The following DMD variants were observed in gnomAD, a reference collection of about 807,000 sequenced individuals.
DMD encodes mutant dystrophin.
DMD carries 63 observed loss-of-function variants against 330.1 expected under a neutral mutation model. The ratio of observed to expected loss-of-function variants is 0.19; its 90% CI spans 0.16 to 0.24. The LOEUF (loss-of-function observed/expected upper bound fraction) is 0.24. DMD is among the 10% of genes least tolerant of loss of function. The pLI, the probability that DMD is intolerant of heterozygous loss-of-function variation, is 1.00. For synonymous variants in DMD, 1,223 were observed against 959.8 expected, an observed-to-expected ratio of 1.27 and a Z score of -5.07; for missense variants, 3,344 against 2,684.1, an observed-to-expected ratio of 1.25 and a Z score of -5.43.
At chrX:33,256,266 A>C (rs1371619768) in intron 1 of DMD, among the ~76,000 whole-genome samples, 1 of 111,130 alleles carries the variant, frequency 9.0e-6, no homozygotes, top group African/African-American at 3.2e-5. Flanking sequence ...ATTAGCAAAT[A>C]TATTAGGGAC....
At chrX:32,955,444 G>A (rs1296443239) in intron 2 of DMD, among the ~76,000 whole-genome samples, 1 of 109,939 alleles carries the variant, frequency 9.1e-6, no homozygotes, top group East Asian at 2.9e-4. Flanking sequence ...TTAGACCTTT[G>A]TCGGATGCAT....
intron 50 of DMD, among the ~76,000 whole-genome samples, chrX:31,802,253 T>G (rs898132110): frequency 9.0e-6 from 1 of 110,865 alleles, no homozygotes; most frequent in Non-Finnish European, 1.9e-5. Context: ...AAATTTATAT[T>G]TTGAATTTTC....
chrX:32,724,466 G>A (rs900602870), intron 7 of DMD, among the ~76,000 whole-genome samples: 2 of 111,431 alleles, frequency 1.8e-5, no homozygotes, highest in Admixed American at 9.6e-5. Flanking sequence ...TTTTGTCTAG[G>A]CCCTTACCAA....
chrX:32,779,000 C>G (rs189878702), intron 7 of DMD, among the ~76,000 whole-genome samples: 1 of 111,366 alleles, frequency 9.0e-6, no homozygotes, highest in African/African-American at 3.3e-5. Context: ...TATTGAGTAT[C>G]CAGATTTCAC....
chrX:32,800,596 T>C (rs1003234786), intron 7 of DMD, among the ~76,000 whole-genome samples: 1 of 111,442 alleles, frequency 9.0e-6, no homozygotes, highest in Admixed American at 9.6e-5. Flanking sequence ...TTGGGATACA[T>C]GTGCAGAACG....
chrX:32,357,023 G>T (rs376246154), intron 37 of DMD, among the ~76,000 whole-genome samples: 114 of 110,930 alleles, frequency 1.0e-3, no homozygotes, highest in African/African-American at 3.5e-3. Flanking sequence ...CAAGTAGCTG[G>T]GATTACAGGC....
intron 44 of DMD, among the ~76,000 whole-genome samples, chrX:32,027,126 G>A (rs1268316884): frequency 1.0e-5 from 1 of 100,365 alleles, no homozygotes; most frequent in Non-Finnish European, 2.0e-5. Flanking sequence ...TGAAAGAAAA[G>A]AAAGGTTGAG....
At position 32,472,264 on chromosome X, in the gene DMD, G is replaced by T; in HGVS notation, c.2849C>A (p.Ala950Asp). ...PPMRYQETMSAIRTWVQQSET... is the reference protein window; with the variant it reads ...PPMRYQETMSDIRTWVQQSET... Reference sequence around the variant, plus strand: ...TGACTGCTGGACCCATGTCCTGATGGCACTCATGGTCTCCTGATAGCGCAT... The same window carrying T: ...TGACTGCTGGACCCATGTCCTGATGTCACTCATGGTCTCCTGATAGCGCAT... The change falls in exon 22 of 79, where the codon GCC becomes GAC. Residue 950 changes from alanine (A) to aspartate (D), a missense_variant. Coordinates refer to ENST00000357033, the MANE Select transcript of DMD (RefSeq NM_004006.3). 8.3e-7 allele frequency: 1 copy of T among 1,210,688 alleles called. No individual in the cohort carries two copies. Among genetic ancestry groups the T allele is most frequent in the Non-Finnish European group, 1.1e-6 (1 of 894,811 alleles).
At chrX:32,811,789 C>G (rs779917619) in intron 6 of DMD, among the ~76,000 whole-genome samples, 2 of 111,608 alleles carry the variant, frequency 1.8e-5, no homozygotes, top group Non-Finnish European at 3.8e-5. Context: ...AAATCTGAAG[C>G]GGTCAAGAAA....
At chrX:32,059,175 C>A (rs978200112) in intron 44 of DMD, among the ~76,000 whole-genome samples, 1 of 111,095 alleles carries the variant, frequency 9.0e-6, no homozygotes, top group Non-Finnish European at 1.9e-5. Context: ...TGCTATGCAA[C>A]ATTTTGCTTA....
At chrX:32,902,501 A>G (rs961996656) in intron 2 of DMD, among the ~76,000 whole-genome samples, 3 of 110,985 alleles carry the variant, frequency 2.7e-5, no homozygotes, top group Non-Finnish European at 5.6e-5. Context: ...TTGTGTATAT[A>G]TGTGGACAGA....
chrX:32,223,686 T>C (rs1374595562), intron 43 of DMD, among the ~76,000 whole-genome samples: 1 of 111,903 alleles, frequency 8.9e-6, no homozygotes, highest in East Asian at 2.8e-4. Flanking sequence ...ACAGACCAAG[T>C]AACATTGTGT....
intron 2 of DMD, among the ~76,000 whole-genome samples, chrX:33,007,748 G>A (rs2093424971): frequency 9.0e-6 from 1 of 111,316 alleles, no homozygotes; most frequent in Non-Finnish European, 1.9e-5. Flanking sequence ...GACTTCATGT[G>A]TATTTCTGTC....
intron 1 of DMD, among the ~76,000 whole-genome samples, chrX:33,109,730 C>T (rs2095325025): frequency 9.0e-6 from 1 of 111,276 alleles, no homozygotes; most frequent in South Asian, 3.8e-4. Context: ...TTTTTTTCCC[C>T]TTACAGGTAG....
intron 44 of DMD, among the ~76,000 whole-genome samples, chrX:32,127,903 A>C (rs144527274): frequency 0.012 from 1,312 of 112,182 alleles, 27 homozygotes; most frequent in African/African-American, 0.04. Context: ...TAAGAAGATG[A>C]TTGGACCATA....
intron 45 of DMD, among the ~76,000 whole-genome samples, chrX:31,960,131 CTCTTA>C (rs766354136): frequency 1.4e-4 from 15 of 108,593 alleles, no homozygotes; most frequent in Non-Finnish European, 2.3e-4. Flanking sequence ...AACCACAATT[CTCTTA>C]TCTTTTCATT....
intron 4 of DMD, among the ~76,000 whole-genome samples, chrX:32,829,860 G>C (rs768577298): frequency 1.8e-5 from 2 of 111,711 alleles, no homozygotes; most frequent in South Asian, 7.3e-4. Flanking sequence ...AACTATGTCT[G>C]GATAGAAGAT....
intron 2 of DMD, among the ~76,000 whole-genome samples, chrX:32,880,844 T>C (rs770476983): frequency 8.9e-6 from 1 of 112,517 alleles, no homozygotes; most frequent in African/African-American, 3.2e-5. Flanking sequence ...CTCAGGAGGC[T>C]GAGGCAGGAG....
At chrX:31,260,926 A>C in intron 63 of DMD, 29 bp downstream of exon 63, 1 of 1,192,829 alleles carries the variant, frequency 8.4e-7, no homozygotes, top group Non-Finnish European at 1.1e-6. Context: ...CTGTCATTTA[A>C]CTTGGAGGAA....
Sources: allele counts gnomAD v4.1 joint callset (sites outside exome capture counted in the v4.1 genomes callset), GRCh38; gene constraint gnomAD v4.1.1; transcripts MANE v1.5; gene names NCBI Gene and HGNC (gene_info 2026-07-23, HGNC 2026-07-21).